KCNT2: variants seen among roughly 807,000 people sequenced by gnomAD.
The protein encoded by KCNT2 is potassium sodium-activated channel subfamily T member 2, also known as potassium channel subfamily T member 2.
In KCNT2, 67 loss-of-function variants were observed where a neutral mutation model predicts 153.8. That is an observed-to-expected ratio of 0.44 (90% CI 0.36 to 0.53). The LOEUF is 0.53. Ranked by LOEUF, KCNT2 falls within the 20% of genes least tolerant of loss-of-function variation. The probability of loss-of-function intolerance (pLI) is 0.00; values close to 1 mark genes in which losing one functional copy is unlikely to be tolerated. For synonymous variants in KCNT2, 500 were observed against 458.8 expected (o/e 1.09, Z -1.15); for missense variants, 975 against 1,354.8 (o/e 0.72, Z 4.40).
chr1:196,416,963 C>T (rs1672807409), intron 12 of KCNT2, among the ~76,000 whole-genome samples: 1 of 152,060 alleles, frequency 6.6e-6, no homozygotes, highest in African/African-American at 2.4e-5. Flanking sequence ...TCCTTCTACT[C>T]TCTATGTCCA....
intron 8 of KCNT2, among the ~76,000 whole-genome samples, chr1:196,444,526 AAAC>A (rs1217565757): frequency 2.6e-5 from 4 of 151,330 alleles, no homozygotes; most frequent in Non-Finnish European, 5.9e-5. Context: ...GACCAGTTAA[AAAC>A]AAATTCTACT....
chr1:196,317,370 G>A, intron 20 of KCNT2: 1 of 319,634 alleles, frequency 3.1e-6, no homozygotes, highest in Non-Finnish European at 6.5e-6. Flanking sequence ...TAAATGCCTA[G>A]GGATACTTGG....
At chr1:196,377,333 T>G (rs915020107) in intron 13 of KCNT2, among the ~76,000 whole-genome samples, 3 of 151,670 alleles carry the variant, frequency 2.0e-5, no homozygotes, top group African/African-American at 7.3e-5. Context: ...TCAGATACAT[T>G]TTTTTTGGTG....
intron 25 of KCNT2, among the ~76,000 whole-genome samples, chr1:196,275,195 G>C (rs1658438557): frequency 6.6e-6 from 1 of 151,820 alleles, no homozygotes; most frequent in Non-Finnish European, 1.5e-5. Flanking sequence ...TCCACTAAGA[G>C]TAATATGTGT....
Position 196,469,310 on chromosome 1 carries a change from T to C in KCNT2, c.385-242A>G, listed in dbSNP as rs552511214. ...TTGTAGAAACCAGGAATATTGCACA[T>C]AACATTTTTTATCAAGTAATATGTC... On this transcript the variant is annotated intron_variant, in intron 5 of 27. Transcript: ENST00000294725. Among the ~76,000 whole-genome samples, 12 of 152,268 alleles carry C rather than the reference T, an allele frequency of 7.9e-5. No individual in the cohort carries two copies. The South Asian group carries it at 2.5e-3, about 32-fold the overall frequency.
chr1:196,231,340 C>G (rs1394523408), intron 27 of KCNT2, among the ~76,000 whole-genome samples: 1 of 151,806 alleles, frequency 6.6e-6, no homozygotes, highest in East Asian at 1.9e-4. Flanking sequence ...TTGTGGTAGT[C>G]TGGAACCAAT....
Position 196,394,374 on chromosome 1 carries a change from C to T in KCNT2, c.1294+4189G>A, listed in dbSNP as rs75109429. On this transcript the variant is annotated intron_variant, in intron 13 of 27. Coordinates refer to ENST00000294725, the MANE Select transcript of KCNT2 (RefSeq NM_198503.5). ...ATGGCGTAGACTAGGGTTGTGATGC[C>T]GCTGTGGATTAGGTAGTACAACCGA... 3.5e-4 allele frequency among the ~76,000 whole-genome samples: 53 copies of T among 151,532 alleles called. No homozygotes were observed. In the East Asian group the frequency reaches 8.8e-3, roughly 25 times the overall value.
intron 1 of KCNT2, among the ~76,000 whole-genome samples, chr1:196,539,224 C>A (rs1656011618): frequency 6.6e-6 from 1 of 152,062 alleles, no homozygotes; most frequent in African/African-American, 2.4e-5. Context: ...AAATATTTTT[C>A]TTTTGGAAAA....
chr1:196,339,532 G>A (rs937375838), intron 16 of KCNT2, among the ~76,000 whole-genome samples: 3 of 151,486 alleles, frequency 2.0e-5, no homozygotes, highest in Non-Finnish European at 4.4e-5. Flanking sequence ...GAGAGAGAGA[G>A]AGAGAGAGAG....
At chr1:196,511,318 C>G (rs962857694) in intron 1 of KCNT2, among the ~76,000 whole-genome samples, 1 of 152,088 alleles carries the variant, frequency 6.6e-6, no homozygotes, top group African/African-American at 2.4e-5. Context: ...TTTGACAGGC[C>G]AGAAACCTTC....
intron 1 of KCNT2, among the ~76,000 whole-genome samples, chr1:196,568,779 GCTT>G (rs1178960054): frequency 7.8e-4 from 12 of 15,390 alleles, no homozygotes; most frequent in African/African-American, 1.3e-3. Context: ...TTAATAATGA[GCTT>G]TTTTTTTTTT....
intron 26 of KCNT2, among the ~76,000 whole-genome samples, chr1:196,240,380 C>A (rs937689065): frequency 1.3e-5 from 2 of 151,712 alleles, no homozygotes; most frequent in Admixed American, 1.3e-4. Context: ...TCTATTTATT[C>A]TAATAAATAA....
At chr1:196,489,984 CA>C (rs753291509) in intron 2 of KCNT2, 47 bp from the exon 3 acceptor site, 5 of 839,060 alleles carry the variant, frequency 6.0e-6, no homozygotes, top group Non-Finnish European at 9.3e-6. Context: ...ACTTAGTTCA[CA>C]AAAGACTAAA....
rs116550967 is a variant in KCNT2 at position 196,253,425 on chromosome 1, C to T, written c.3211+4769G>A. On this transcript the variant is annotated intron_variant, in intron 26 of 27. Transcript: ENST00000294725. ...GGTCTCTTCTATCTTCAGTTTATTT[C>T]CTTATCATGTTCTTGTTTTCCTCTG... Among the ~76,000 whole-genome samples, 616 of 151,390 alleles carry T rather than the reference C, an allele frequency of 4.1e-3. 3 individuals are homozygous for T. The highest frequency in any genetic ancestry group is 0.013 in the African/African-American group (557 of 41,460).
intron 27 of KCNT2, among the ~76,000 whole-genome samples, chr1:196,228,920 A>G (rs1202603515): frequency 6.6e-6 from 1 of 152,126 alleles, no homozygotes; most frequent in African/African-American, 2.4e-5. Context: ...TTAAATTAGC[A>G]GGAAAATTAT....
chr1:196,492,384 C>T, intron 1 of KCNT2, 43 bp from the exon 2 acceptor site: 1 of 1,179,428 alleles, frequency 8.5e-7, no homozygotes, highest in Middle Eastern at 3.0e-4. Flanking sequence ...TGCAAGCAAC[C>T]ATATCTTTAT....
At chr1:196,254,453 T>C (rs1435715797) in intron 26 of KCNT2, among the ~76,000 whole-genome samples, 1 of 151,588 alleles carries the variant, frequency 6.6e-6, no homozygotes, top group Non-Finnish European at 1.5e-5. Flanking sequence ...CAAATACTTG[T>C]ATTATTCCTT....
At chr1:196,365,609 C>A (rs990936706) in intron 14 of KCNT2, among the ~76,000 whole-genome samples, 2 of 151,540 alleles carry the variant, frequency 1.3e-5, no homozygotes, top group Non-Finnish European at 2.9e-5. Flanking sequence ...GTCATTGTTC[C>A]AAAAAAAATC....
At chr1:196,420,035 C>T (rs1469040294) in intron 12 of KCNT2, among the ~76,000 whole-genome samples, 2 of 151,970 alleles carry the variant, frequency 1.3e-5, no homozygotes, top group East Asian at 3.9e-4. Flanking sequence ...TTCTCTCTAA[C>T]TACCATAATT....
Sources: gnomAD v4.1 joint callset for allele counts (sites outside exome capture counted in the v4.1 genomes callset) on GRCh38, gnomAD v4.1.1 for gene constraint, MANE v1.5 for transcripts, NCBI Gene and HGNC (gene_info 2026-07-23, HGNC 2026-07-21) for gene names.